The following STK32C variants were observed in gnomAD, a reference collection of about 807,000 sequenced individuals.
STK32C encodes serine/threonine-protein kinase 32C.
STK32C carries 31 observed loss-of-function variants against 56.5 expected under a neutral mutation model. That is an observed-to-expected ratio of 0.55 (90% confidence interval 0.41 to 0.74). The LOEUF (loss-of-function observed/expected upper bound fraction) is 0.74, where lower values mean the gene tolerates loss of function less well. Among genes scored for constraint, STK32C ranks in the 30% least tolerant of loss-of-function variants. STK32C has a pLI of 0.00. For missense variants in STK32C, 544 were observed against 676.9 expected, an observed-to-expected ratio of 0.80 and a Z score of 2.18; for synonymous variants, 309 against 289.4, an observed-to-expected ratio of 1.07 and a Z score of -0.69.
intron 1 of STK32C, among the ~76,000 whole-genome samples, chr10:132,329,612 CAG>C (rs1294589877): frequency 1.3e-5 from 2 of 152,278 alleles, no homozygotes; most frequent in East Asian, 1.9e-4. Context: ...TGGATGGAGA[CAG>C]AACTAGTAAA....
At chr10:132,246,592 G>A (rs1388838810) in intron 1 of STK32C, among the ~76,000 whole-genome samples, 1 of 152,216 alleles carries the variant, frequency 6.6e-6, no homozygotes, top group Admixed American at 6.5e-5. Context: ...GTGCGAAGCT[G>A]CAGAAGGCAC....
At chr10:132,297,465 T>G (rs2065786044) in intron 1 of STK32C, among the ~76,000 whole-genome samples, 1 of 152,222 alleles carries the variant, frequency 6.6e-6, no homozygotes, top group Non-Finnish European at 1.5e-5. Context: ...GGCCACGCAC[T>G]CTGGGGCTGG....
intron 2 of STK32C, among the ~76,000 whole-genome samples, chr10:132,230,043 G>C (rs1410047042): frequency 6.6e-6 from 1 of 152,216 alleles, no homozygotes; most frequent in Non-Finnish European, 1.5e-5. Flanking sequence ...CGCGTGTGCT[G>C]ATGGGGGCTC....
chr10:132,305,762 A>G (rs1052171197), intron 1 of STK32C, among the ~76,000 whole-genome samples: 3 of 152,226 alleles, frequency 2.0e-5, no homozygotes, highest in African/African-American at 7.2e-5. Context: ...TGCCAGTGAC[A>G]GGAAGAAGCG....
intron 1 of STK32C, among the ~76,000 whole-genome samples, chr10:132,288,151 T>G (rs2065463720): frequency 1.3e-5 from 2 of 151,832 alleles, no homozygotes. Context: ...ACATCCAGAT[T>G]ATAAAAAGGA....
intron 10 of STK32C, among the ~76,000 whole-genome samples, chr10:132,219,748 G>A (rs2062575144): frequency 2.6e-5 from 4 of 152,096 alleles, no homozygotes; most frequent in East Asian, 1.9e-4. Context: ...CTGGGGGGCC[G>A]TGTTCCCCCC....
intron 1 of STK32C, among the ~76,000 whole-genome samples, chr10:132,280,153 T>TGTGATCACGCCCCTGCACTCC (rs2065124245): frequency 2.2e-5 from 2 of 89,170 alleles, no homozygotes; most frequent in South Asian, 4.0e-4. Flanking sequence ...CCCTGCACTC[T>TGTGATCACGCCCCTGCACTCC]GTGATCACGC....
exon 2 of STK32C, chr10:132,324,364 C>T (rs1163764232): frequency 1.3e-6 from 1 of 778,164 alleles, no homozygotes; most frequent in Admixed American, 1.7e-5. Flanking sequence ...GGGGTGTGCT[C>T]TCAGAAGACC....
chr10:132,245,099 T>C (rs887874841), intron 2 of STK32C, among the ~76,000 whole-genome samples: 3 of 152,190 alleles, frequency 2.0e-5, no homozygotes, highest in African/African-American at 4.8e-5. Context: ...ATTAATCGCA[T>C]TCAAATACCC....
chr10:132,284,097 C>G (rs2065301496), intron 1 of STK32C, among the ~76,000 whole-genome samples: 1 of 151,872 alleles, frequency 6.6e-6, no homozygotes, highest in Non-Finnish European at 1.5e-5. Context: ...ATGAGCAGAG[C>G]TGGCCAACTG....
chr10:132,266,943 C>T (rs575136181), intron 1 of STK32C, among the ~76,000 whole-genome samples: 4 of 152,238 alleles, frequency 2.6e-5, no homozygotes, highest in African/African-American at 4.8e-5. Context: ...GCTGCGCGGA[C>T]GAGGCCGCAG....
At chr10:132,229,142 T>C (rs562338699) in intron 2 of STK32C, among the ~76,000 whole-genome samples, 1 of 152,242 alleles carries the variant, frequency 6.6e-6, no homozygotes, top group South Asian at 2.1e-4. Flanking sequence ...AGGCACAAAA[T>C]TGTGAGCAGC....
chr10:132,321,999 T>C (rs1033183781), downstream of STK32C, among the ~76,000 whole-genome samples: 3 of 152,190 alleles, frequency 2.0e-5, no homozygotes, highest in Admixed American at 6.5e-5. Flanking sequence ...AGTCCCCAGA[T>C]GCTCCCAAGA....
intron 1 of STK32C, among the ~76,000 whole-genome samples, chr10:132,270,554 T>C (rs2064782495): frequency 6.6e-6 from 1 of 152,186 alleles, no homozygotes; most frequent in Non-Finnish European, 1.5e-5. Context: ...GGTATGGCCG[T>C]GAGTTACGGC....
At chr10:132,276,088 G>A (rs561656664) in intron 1 of STK32C, among the ~76,000 whole-genome samples, 116 of 152,324 alleles carry the variant, frequency 7.6e-4, no homozygotes, top group African/African-American at 2.5e-3. Flanking sequence ...CCCTCATCAT[G>A]AGATGAGCCT....
chr10:132,249,567 C>T (rs528363200), intron 1 of STK32C, among the ~76,000 whole-genome samples: 19 of 152,144 alleles, frequency 1.2e-4, no homozygotes, highest in Non-Finnish European at 2.6e-4. Context: ...ACCTGTTGGC[C>T]CAGACCCCGC....
At chr10:132,295,999 T>C (rs1279318329) in intron 1 of STK32C, among the ~76,000 whole-genome samples, 1 of 149,422 alleles carries the variant, frequency 6.7e-6, no homozygotes, top group Admixed American at 6.7e-5. Flanking sequence ...GGGAGGACAG[T>C]GTGGAAAAGG....
chr10:132,257,970 A>G (rs1172219342), intron 1 of STK32C, among the ~76,000 whole-genome samples: 1 of 152,174 alleles, frequency 6.6e-6, no homozygotes, highest in Non-Finnish European at 1.5e-5. Context: ...GGCTCTCCTC[A>G]GTGCACGGAC....
At chr10:132,209,555 G>A (rs1235797919) in intron 10 of STK32C, among the ~76,000 whole-genome samples, 2 of 152,206 alleles carry the variant, frequency 1.3e-5, no homozygotes, top group East Asian at 1.9e-4. Context: ...AGGTCCTCAG[G>A]GCAAGCTTGT....
Sources: gnomAD v4.1 joint callset for allele counts (sites outside exome capture counted in the v4.1 genomes callset) on GRCh38, gnomAD v4.1.1 for gene constraint, MANE v1.5 for transcripts, NCBI Gene and HGNC (gene_info 2026-07-23, HGNC 2026-07-21) for gene names.